The following ELAVL4 variants were observed in gnomAD, a reference collection of about 807,000 sequenced individuals.
ELAVL4 encodes the protein ELAV like RNA binding protein 4, also known as ELAV-like protein 4.
ELAVL4 carries 1 observed loss-of-function variant against 35.6 expected under a neutral mutation model. That is an observed-to-expected ratio of 0.03 (90% CI 0.01 to 0.13). The LOEUF is 0.13. ELAVL4 is among the 10% of genes least tolerant of loss of function. The probability of loss-of-function intolerance (pLI) is 1.00; values close to 1 mark genes in which losing one functional copy is unlikely to be tolerated. For missense variants in ELAVL4, 267 were observed against 464.9 expected (o/e 0.57, Z 3.91); for synonymous variants, 156 against 171.0 (o/e 0.91, Z 0.69).
At chr1:50,132,595 G>T (rs1671037941) in intron 1 of ELAVL4, among the ~76,000 whole-genome samples, 1 of 152,140 alleles carries the variant, frequency 6.6e-6, no homozygotes, top group South Asian at 2.1e-4. Context: ...GTGAAGGGGA[G>T]ACTGAACCAG....
intron 1 of ELAVL4, among the ~76,000 whole-genome samples, chr1:50,069,318 C>G (rs1664407084): frequency 6.6e-6 from 1 of 152,138 alleles, no homozygotes; most frequent in African/African-American, 2.4e-5. Flanking sequence ...CTCTGATTAC[C>G]TATAGCATTT....
upstream of ELAVL4, among the ~76,000 whole-genome samples, chr1:50,103,594 G>T (rs1007568835): frequency 1.3e-5 from 2 of 152,162 alleles, no homozygotes; most frequent in African/African-American, 4.8e-5. Flanking sequence ...TTTTTCAAGG[G>T]AAGAGGTAAA....
chr1:50,165,429 T>G (rs1302317627), intron 2 of ELAVL4, among the ~76,000 whole-genome samples: 3 of 148,566 alleles, frequency 2.0e-5, no homozygotes, highest in Non-Finnish European at 4.5e-5. Context: ...TAACAGGAGA[T>G]ATATATATAT....
Position 50,145,072 on chromosome 1 carries a change from A to G in ELAVL4, c.125A>G (p.Asp42Gly), listed in dbSNP as rs767501506. The G allele has an allele frequency of 6.2e-7, 1 of 1,614,068 alleles. No individual in the cohort carries two copies. ...PSPMQTGATTDDSKTNLIVNY... is the reference protein window; with the variant it reads ...PSPMQTGATTGDSKTNLIVNY... Reference sequence around the variant, plus strand: ...CCCATGCAAACAGGGGCAACCACAGATGACAGCAAAACCAACCTCATCGTC... The same window carrying G: ...CCCATGCAAACAGGGGCAACCACAGGTGACAGCAAAACCAACCTCATCGTC... The change falls in exon 2 of 7, where the codon GAT becomes GGT. Residue 42 changes from aspartate (D) to glycine (G), a missense_variant. Asp to Gly is a moderately conservative substitution (Grantham distance 94). Around this residue, in one of 2 missense-constraint regions of ELAVL4, gnomAD observed 51 missense variants for 55.4 expected, o/e 0.92. Coordinates refer to ENST00000371824, the MANE Select transcript of ELAVL4 (RefSeq NM_001144774.3).
intron 1 of ELAVL4, among the ~76,000 whole-genome samples, chr1:50,131,716 G>C (rs1670886103): frequency 6.6e-6 from 1 of 152,058 alleles, no homozygotes; most frequent in Admixed American, 6.6e-5. Context: ...CTTGAACCTA[G>C]GAGGCGGAGG....
chr1:50,124,016 A>G (rs1169769688), intron 1 of ELAVL4, among the ~76,000 whole-genome samples: 1 of 152,098 alleles, frequency 6.6e-6, no homozygotes. Flanking sequence ...GGTGCTCAGT[A>G]ATTGATTGTT....
intron 1 of ELAVL4, among the ~76,000 whole-genome samples, chr1:50,134,788 C>G (rs1304595675): frequency 1.3e-5 from 2 of 152,098 alleles, no homozygotes; most frequent in Non-Finnish European, 2.9e-5. Context: ...TGTCCCTCAG[C>G]TATGGAGAGT....
intron 1 of ELAVL4, chr1:50,115,405 T>C (rs1488876728): frequency 1.3e-5 from 2 of 152,100 alleles, no homozygotes; most frequent in African/African-American, 4.8e-5. Flanking sequence ...AAAAGTAAAA[T>C]GCAAAACTAG....
At chr1:50,153,225 C>A (rs1260364408) in intron 2 of ELAVL4, among the ~76,000 whole-genome samples, 2 of 152,132 alleles carry the variant, frequency 1.3e-5, no homozygotes, top group Non-Finnish European at 2.9e-5. Flanking sequence ...TTTCCTTGGT[C>A]CTGGCTATTA....
At chr1:50,126,397 T>C (rs1389836464) in intron 1 of ELAVL4, among the ~76,000 whole-genome samples, 2 of 152,136 alleles carry the variant, frequency 1.3e-5, no homozygotes, top group African/African-American at 4.8e-5. Context: ...CTGAGTCCAA[T>C]TCTTTCTAGT....
intron 1 of ELAVL4, among the ~76,000 whole-genome samples, chr1:50,052,959 T>C (rs1039966946): frequency 6.6e-6 from 1 of 152,368 alleles, no homozygotes; most frequent in Non-Finnish European, 1.5e-5. Context: ...TGGCTAGTGT[T>C]GACATTGCAA....
chr1:50,146,435 T>C (rs957912406), intron 2 of ELAVL4, among the ~76,000 whole-genome samples: 11 of 152,202 alleles, frequency 7.2e-5, no homozygotes, highest in South Asian at 2.1e-4. Flanking sequence ...AAAGGGCTTA[T>C]TGTGAGGATT....
At chr1:50,113,629 A>T (rs1667456925) in intron 1 of ELAVL4, among the ~76,000 whole-genome samples, 1 of 152,002 alleles carries the variant, frequency 6.6e-6, no homozygotes. Flanking sequence ...TCCCAATGTC[A>T]TTGGGAATTT....
rs541616763 is a variant in ELAVL4, at chr1:50,048,281, G to C, written c.18+99G>C. On this transcript the variant is annotated intron_variant, in intron 1 of 6. Coordinates refer to the ELAVL4 transcript ENST00000448907. ...GTGGTCGCGACTGGCTTCTCCCAGC[G>C]GCCAGCCTGGCCACCCCGACTCCCA... is the stretch of plus-strand genomic sequence containing the variant. 13 of 1,350,754 alleles carry C rather than the reference G, an allele frequency of 9.6e-6. No individual in the cohort carries two copies. The East Asian group carries it at 3.0e-4, about 31-fold the overall frequency. 83.7% of individuals were successfully genotyped at this position (1,350,754 alleles called of 1,614,324 possible).
chr1:50,163,346 C>A (rs1677131691), intron 2 of ELAVL4, among the ~76,000 whole-genome samples: 2 of 152,164 alleles, frequency 1.3e-5, no homozygotes, highest in African/African-American at 4.8e-5. Context: ...TCTTTGTCCT[C>A]AGTTTCCACA....
chr1:50,109,016 C>CTGGGGGGGGGGGGG lies in ELAVL4; in HGVS notation c.-174_-173insTGGGGGGGGGGGGG. On this transcript the variant is annotated 5_prime_UTR_variant, in exon 1 of 7. Transcript: ENST00000371824. ...CTCCTTTTCTTTTTTTTCTTTCTCT[C>CTGGGGGGGGGGGGG]CCCCGCCCACCCCCCCAAAAATAAT... 1.1e-6 allele frequency: 1 copy of CTGGGGGGGGGGGGG among 905,796 alleles called. No homozygotes were observed. Among genetic ancestry groups the CTGGGGGGGGGGGGG allele is most frequent in the Non-Finnish European group, 1.3e-6 (1 of 761,410 alleles). The allele number at this position is 905,796 out of a possible 1,614,324, so 56.1% of individuals were successfully genotyped here. A position where few individuals can be genotyped will look rare whatever the true frequency, so the allele number is the denominator to read the frequency against.
chr1:50,161,817 C>G (rs1482503126), intron 2 of ELAVL4, among the ~76,000 whole-genome samples: 1 of 152,220 alleles, frequency 6.6e-6, no homozygotes, highest in African/African-American at 2.4e-5. Flanking sequence ...CTCCTCCTCC[C>G]AGGCCCAAGC....
At chr1:50,167,861 A>G (rs1678223795) in intron 2 of ELAVL4, among the ~76,000 whole-genome samples, 3 of 152,256 alleles carry the variant, frequency 2.0e-5, no homozygotes, top group Admixed American at 6.5e-5. Flanking sequence ...GTCCATCCAC[A>G]TACCTCTCCC....
chr1:50,104,707 A>C (rs985030013), upstream of ELAVL4, among the ~76,000 whole-genome samples: 24 of 152,202 alleles, frequency 1.6e-4, no homozygotes, highest in African/African-American at 5.3e-4. Flanking sequence ...GGAACATAGA[A>C]TGGTGTTGCA....
Sources: gnomAD v4.1 joint callset for allele counts (sites outside exome capture counted in the v4.1 genomes callset) on GRCh38, gnomAD v4.1.1 for gene constraint, gnomAD v4.1.1 regional missense constraint, MANE v1.5 for transcripts, NCBI Gene and HGNC (gene_info 2026-07-23, HGNC 2026-07-21) for gene names.